PGM3: variants seen among roughly 807,000 people sequenced by gnomAD.
The protein encoded by PGM3 is phosphoacetylglucosamine mutase.
PGM3 carries 40 observed loss-of-function variants against 66.2 expected under a neutral mutation model. The ratio of observed to expected loss-of-function variants is 0.60; its 90% CI spans 0.47 to 0.79. The LOEUF (loss-of-function observed/expected upper bound fraction) is 0.79. Among genes scored for constraint, PGM3 ranks in the 30% least tolerant of loss-of-function variants. The pLI, the probability that PGM3 is intolerant of heterozygous loss-of-function variation, is 0.00. For missense variants in PGM3, 537 were observed against 643.4 expected (o/e 0.83, Z 1.79); for synonymous variants, 191 against 224.2 (o/e 0.85, Z 1.32).
chr6:83,154,075 A>G, the PGM3 span: 1 of 1,613,376 alleles, frequency 6.2e-7, no homozygotes, highest in East Asian at 2.2e-5. Flanking sequence ...ATTCAGCATG[A>G]TGCACCTCAC....
chr6:83,159,669 T>C, downstream of PGM3: 1 of 1,032,808 alleles, frequency 9.7e-7, no homozygotes, highest in Non-Finnish European at 1.5e-6. Flanking sequence ...ATGACCTTGC[T>C]TAGCAATTAC....
intron 8 of PGM3, among the ~76,000 whole-genome samples, chr6:83,177,928 CCA>C (rs1321693319): frequency 1.3e-5 from 2 of 152,116 alleles, no homozygotes; most frequent in Non-Finnish European, 2.9e-5. Context: ...TGACCACCCC[CCA>C]CACACCCTGC....
At chr6:83,157,195 G>A, downstream of PGM3, 2 of 1,613,166 alleles carry the variant, frequency 1.2e-6, no homozygotes, top group Non-Finnish European at 1.7e-6. Context: ...GATTGGTTGA[G>A]AGTCTCCGTT....
chr6:83,162,240 G>A (rs912414672), downstream of PGM3, among the ~76,000 whole-genome samples: 3 of 151,922 alleles, frequency 2.0e-5, no homozygotes, highest in Admixed American at 6.6e-5. Flanking sequence ...TTTTCCCATG[G>A]TCGGATATTA....
At chr6:83,189,903 A>G (rs1788913935) in intron 2 of PGM3, among the ~76,000 whole-genome samples, 1 of 152,356 alleles carries the variant, frequency 6.6e-6, no homozygotes, top group Non-Finnish European at 1.5e-5. Flanking sequence ...CAAATACTGC[A>G]GGCTCATAAC....
At chr6:83,157,958 T>C (rs1783184997), downstream of PGM3, among the ~76,000 whole-genome samples, 1 of 152,052 alleles carries the variant, frequency 6.6e-6, no homozygotes, top group Non-Finnish European at 1.5e-5. Flanking sequence ...CTTTATAGTT[T>C]CCCTGCAAAT....
In PGM3 at chr6:83,169,258, T is replaced by G; in HGVS notation, c.1605A>C (p.Gly535=). Residue 535 remains glycine (G), a synonymous_variant, in exon 13 of 13, where the codon GGA becomes GGC. Transcript: ENST00000513973. ...LAVFQLAGGI[G]ERPQPGF Reference sequence around the variant, plus strand: ...TTCAGAAACCTGGTTGGGGCCTTTCTCCAATTCCTCCAGCCAGCTGAAATA... The same window carrying G: ...TTCAGAAACCTGGTTGGGGCCTTTCGCCAATTCCTCCAGCCAGCTGAAATA... 1.2e-6 allele frequency: 2 copies of G among 1,614,068 alleles called. No homozygotes were observed. Among genetic ancestry groups the G allele is most frequent in the Middle Eastern group, 1.6e-4 (1 of 6,062 alleles).
Position 83,176,497 on chromosome 6 carries a change from C to T in PGM3, c.1030-437G>A, listed in dbSNP as rs558034183. Among the ~76,000 whole-genome samples, 34 of 152,296 alleles carry T rather than the reference C, an allele frequency of 2.2e-4. 1 individual carries two copies. The highest frequency in any genetic ancestry group is 6.7e-4 in the African/African-American group (28 of 41,560). On this transcript the variant is annotated intron_variant, in intron 8 of 12. Coordinates refer to ENST00000513973, the MANE Select transcript of PGM3 (RefSeq NM_015599.3). ...AGTGCAAAAGCAGCCACAGACCATACATAAACAAATCAACATAGCTCTATT... is the reference window on the plus strand; with the variant it reads ...AGTGCAAAAGCAGCCACAGACCATATATAAACAAATCAACATAGCTCTATT...
intron 12 of PGM3, 127 bp downstream of exon 12, chr6:83,170,178 G>T: frequency 1.3e-6 from 1 of 789,056 alleles, no homozygotes. Context: ...TAGTCTTAAT[G>T]TGAACCTAAA....
intron 10 of PGM3, among the ~76,000 whole-genome samples, chr6:83,172,406 T>C (rs2128485275): frequency 6.6e-6 from 1 of 151,858 alleles, no homozygotes; most frequent in East Asian, 1.9e-4. Context: ...TAGCAAGACC[T>C]TGTCTCTTAA....
the PGM3 span, chr6:83,151,761 A>C: frequency 6.9e-7 from 1 of 1,445,628 alleles, no homozygotes; most frequent in African/African-American, 1.4e-5. Flanking sequence ...TCAACTCTGA[A>C]CATTCTATGG....
intron 1 of PGM3, among the ~76,000 whole-genome samples, chr6:83,192,326 C>A (rs1402279030): frequency 1.6e-4 from 24 of 152,212 alleles, no homozygotes; most frequent in East Asian, 1.9e-4. Context: ...CTGGGATACT[C>A]CCATTAAGTG....
chr6:83,190,935 A>G lies in PGM3; in HGVS notation c.78T>C (p.Ala26=). 6.2e-7 allele frequency: 1 copy of G among 1,614,158 alleles called. No homozygotes were observed. The change falls in exon 2 of 13, where the codon GCT becomes GCC. Residue 26 remains alanine (A), a synonymous_variant. Transcript: ENST00000513973. ...GATGTTCTGCCTTCGTTCGAAATCC[A>G]GCAGTCCCGTATTGAAGGATCAGTC... is the stretch of plus-strand genomic sequence containing the variant. ...PNGLILQYGT[A]GFRTKAEHLD...
At chr6:83,154,033 T>C in the PGM3 span, 1 of 1,614,008 alleles carries the variant, frequency 6.2e-7, no homozygotes, top group Non-Finnish European at 8.5e-7. Flanking sequence ...GGATGCCTCT[T>C]GTGTTAATCA....
Position 83,169,297 on chromosome 6 carries a change from T to C in PGM3, c.1566A>G (p.Glu522=), listed in dbSNP as rs780767075. The part of the protein sequence containing the change: ...SQESADHLAH[E]VSLAVFQLAG... ...CCAGCTGAAATACTGCCAAGCTCAC[T>C]TCATGTGCAAGGTGATCTGCACTTT... The change falls in exon 13 of 13, where the codon GAA becomes GAG. Residue 522 remains glutamate, a synonymous_variant. Coordinates refer to ENST00000513973, the MANE Select transcript of PGM3 (RefSeq NM_015599.3). 3 of 1,613,890 alleles carry C rather than the reference T, an allele frequency of 1.9e-6. No homozygotes were observed. The highest frequency in any genetic ancestry group is 3.3e-5 in the Admixed American group (2 of 60,022).
the PGM3 span, among the ~76,000 whole-genome samples, chr6:83,153,221 AT>A: frequency 6.6e-6 from 1 of 152,174 alleles, no homozygotes; most frequent in Non-Finnish European, 1.5e-5. Flanking sequence ...CTAGTACTAA[AT>A]TCACTGTTTA....
At chr6:83,182,188 G>A (rs1406293278) in intron 5 of PGM3, among the ~76,000 whole-genome samples, 1 of 152,116 alleles carries the variant, frequency 6.6e-6, no homozygotes, top group Admixed American at 6.5e-5. Flanking sequence ...TTAGAATTTA[G>A]TCTCAATTAA....
chr6:83,177,527 C>A (rs756306931), intron 8 of PGM3, among the ~76,000 whole-genome samples: 2 of 152,142 alleles, frequency 1.3e-5, no homozygotes, highest in Non-Finnish European at 2.9e-5. Context: ...GGCTAATTTG[C>A]TAAGAGATAG....
At chr6:83,180,925 G>A (rs1160960416) in intron 6 of PGM3, among the ~76,000 whole-genome samples, 3 of 152,196 alleles carry the variant, frequency 2.0e-5, no homozygotes, top group Non-Finnish European at 4.4e-5. Flanking sequence ...TCTGACTGTA[G>A]TGGACTAATG....
Sources: gnomAD v4.1 joint callset for allele counts (sites outside exome capture counted in the v4.1 genomes callset) on GRCh38, gnomAD v4.1.1 for gene constraint, MANE v1.5 for transcripts, NCBI Gene and HGNC (gene_info 2026-07-23, HGNC 2026-07-21) for gene names.